Variants in NFIB observed in about 807,000 individuals in gnomAD.
NFIB encodes nuclear factor 1 B-type.
In NFIB, 11 loss-of-function variants were observed where a neutral mutation model predicts 61.5. The observed-to-expected ratio is 0.18, with a 90% CI of 0.11 to 0.30. The LOEUF is 0.30. Among genes scored for constraint, NFIB ranks in the 10% least tolerant of loss-of-function variants. NFIB has a pLI of 1.00. For synonymous variants in NFIB, 260 were observed against 216.5 expected (o/e 1.20, Z -1.76); for missense variants, 471 against 608.9 (o/e 0.77, Z 2.38).
At chr9:14,404,123 T>G in the NFIB span, among the ~76,000 whole-genome samples, 203 of 152,318 alleles carry the variant, frequency 1.3e-3, 1 homozygote, top group African/African-American at 4.7e-3. Flanking sequence ...AATACTTCTA[T>G]AGTCAGAAAC....
intron 2 of NFIB, among the ~76,000 whole-genome samples, chr9:14,185,512 C>T (rs1053549349): frequency 2.1e-4 from 32 of 152,010 alleles, no homozygotes; most frequent in Non-Finnish European, 3.8e-4. Context: ...CCTTTTTTCT[C>T]CCTGAAGTCC....
intron 2 of NFIB, 109 bp downstream of exon 2, chr9:14,306,880 G>T: frequency 7.5e-7 from 1 of 1,337,626 alleles, no homozygotes; most frequent in Non-Finnish European, 1.0e-6. Flanking sequence ...AGAGAGGGTG[G>T]AGGATATCTA....
intron 2 of NFIB, among the ~76,000 whole-genome samples, chr9:14,186,300 A>G (rs2047327177): frequency 6.6e-6 from 1 of 152,164 alleles, no homozygotes; most frequent in Admixed American, 6.5e-5. Flanking sequence ...ATCCTGTGAT[A>G]AAGGGCCCTT....
the NFIB span, among the ~76,000 whole-genome samples, chr9:14,451,727 T>A: frequency 6.6e-6 from 1 of 152,190 alleles, no homozygotes; most frequent in Admixed American, 6.5e-5. Flanking sequence ...CCATTTAACA[T>A]AGAATATGAA....
At chr9:14,182,315 T>G (rs17283657) in intron 2 of NFIB, among the ~76,000 whole-genome samples, 1 of 152,188 alleles carries the variant, frequency 6.6e-6, no homozygotes, top group Admixed American at 6.5e-5. Context: ...CTCCTTCATA[T>G]GCCAAAGCCC....
the NFIB span, among the ~76,000 whole-genome samples, chr9:14,466,212 G>T: frequency 6.6e-6 from 1 of 152,158 alleles, no homozygotes; most frequent in Non-Finnish European, 1.5e-5. Flanking sequence ...CTGAGGCAAG[G>T]CCGTTATCTT....
In NFIB at chr9:14,116,261, C is replaced by T; in HGVS notation, c.1331G>A (p.Arg444Gln). The T allele has an allele frequency of 6.5e-7, 1 of 1,538,410 alleles. No homozygotes were observed. ...LAPSPHPSAV[R>Q]PVTLSMTDTK... ...ATCTGTCATGCTCAGGGTCACAGGTCGCACTGCACTGGGATGGGGAGAGGG... is the reference window on the plus strand; with the variant it reads ...ATCTGTCATGCTCAGGGTCACAGGTTGCACTGCACTGGGATGGGGAGAGGG... Residue 444 changes from arginine (R) to glutamine (Q), a missense_variant, in exon 9 of 11, where the codon CGA (arginine) becomes CAA (glutamine). Arg to Gln is a conservative substitution (Grantham distance 43, BLOSUM62 1). Transcript: ENST00000380953.
chr9:14,394,878 G>A (rs1293816696), intron 1 of NFIB, among the ~76,000 whole-genome samples: 1 of 152,140 alleles, frequency 6.6e-6, no homozygotes, highest in Non-Finnish European at 1.5e-5. Context: ...TGACACGGGA[G>A]ATGTGTGTAA....
the NFIB span, among the ~76,000 whole-genome samples, chr9:14,462,410 G>C: frequency 6.6e-6 from 1 of 151,876 alleles, no homozygotes; most frequent in Non-Finnish European, 1.5e-5. Context: ...AGCCTCCCCA[G>C]CAGCAGGGAC....
chr9:14,374,035 C>T (rs973799897), intron 1 of NFIB, among the ~76,000 whole-genome samples: 22 of 152,102 alleles, frequency 1.4e-4, no homozygotes, highest in Admixed American at 3.9e-4. Flanking sequence ...TTCTCCATGT[C>T]CTGGGGTTGT....
chr9:14,390,029 C>T (rs915152490), intron 1 of NFIB, among the ~76,000 whole-genome samples: 2 of 152,138 alleles, frequency 1.3e-5, no homozygotes, highest in Admixed American at 1.3e-4. Flanking sequence ...AACTAAAGTG[C>T]CATTGTCTTA....
intron 1 of NFIB, among the ~76,000 whole-genome samples, chr9:14,366,991 T>C (rs892817624): frequency 1.3e-5 from 2 of 152,088 alleles, no homozygotes; most frequent in South Asian, 2.1e-4. Context: ...TTTGGCTGTC[T>C]CTCCTTCCAC....
In NFIB at chr9:14,083,237, G is replaced by C. The variant is rs1193452527; in HGVS notation, c.*5072C>G. The C allele has an allele frequency of 8.9e-6, 2 of 224,540 alleles. No individual in the cohort carries two copies. The highest frequency in any genetic ancestry group is 1.8e-5 in the Non-Finnish European group (2 of 112,464). 13.9% of individuals were successfully genotyped at this position (224,540 alleles called of 1,614,324 possible). On this transcript the variant is annotated 3_prime_UTR_variant, in exon 11 of 11. Coordinates refer to ENST00000380953, the MANE Select transcript of NFIB (RefSeq NM_001190737.2). ...TGGCACGGACACAGTACAAAGAGTT[G>C]TCATGGCAATGAGTTTGGCTGATGC... is the stretch of plus-strand genomic sequence containing the variant.
intron 2 of NFIB, among the ~76,000 whole-genome samples, chr9:14,260,132 T>G (rs569656456): frequency 6.6e-6 from 1 of 152,104 alleles, no homozygotes; most frequent in African/African-American, 2.4e-5. Context: ...TGAGAACACG[T>G]AGAGAAGAGT....
chr9:14,297,682 G>GC (rs2059523112), intron 2 of NFIB, among the ~76,000 whole-genome samples: 1 of 152,092 alleles, frequency 6.6e-6, no homozygotes, highest in African/African-American at 2.4e-5. Context: ...TAAACAGTAC[G>GC]CAACACGCAA....
the NFIB span, among the ~76,000 whole-genome samples, chr9:14,422,971 A>G: frequency 6.6e-6 from 1 of 152,198 alleles, no homozygotes; most frequent in Non-Finnish European, 1.5e-5. Flanking sequence ...CAGCCTTGAT[A>G]TGGGCAGCTT....
At chr9:14,500,068 G>C in the NFIB span, among the ~76,000 whole-genome samples, 1 of 152,100 alleles carries the variant, frequency 6.6e-6, no homozygotes, top group Non-Finnish European at 1.5e-5. Flanking sequence ...TACCTCTTTA[G>C]CCACATCTCA....
chr9:14,523,217 T>C, the NFIB span, among the ~76,000 whole-genome samples: 1 of 152,088 alleles, frequency 6.6e-6, no homozygotes, highest in African/African-American at 2.4e-5. Flanking sequence ...GCAGAGTTTA[T>C]AATACCTGAG....
chr9:14,357,408 G>GTGC (rs1017056255), intron 1 of NFIB: 3 of 152,202 alleles, frequency 2.0e-5, no homozygotes, highest in African/African-American at 7.2e-5. Flanking sequence ...CTGGCCTCAG[G>GTGC]TGCTGCAAAG....
Sources: gnomAD v4.1 joint callset for allele counts (sites outside exome capture counted in the v4.1 genomes callset) on GRCh38, gnomAD v4.1.1 for gene constraint, MANE v1.5 for transcripts, NCBI Gene and HGNC (gene_info 2026-07-23, HGNC 2026-07-21) for gene names.